The following RNGTT variants were observed in gnomAD, a reference collection of about 807,000 sequenced individuals.
RNGTT encodes the protein mRNA-capping enzyme.
A neutral mutation model predicts 79.3 loss-of-function variants in RNGTT; 33 were observed. That is an observed-to-expected ratio of 0.42 (90% CI 0.32 to 0.56). RNGTT has a LOEUF of 0.56. Ranked by LOEUF, RNGTT falls within the 20% of genes least tolerant of loss-of-function variation. RNGTT has a pLI of 0.17. For missense variants in RNGTT, 497 were observed against 739.1 expected (o/e 0.67, Z 3.80); for synonymous variants, 222 against 235.9 (o/e 0.94, Z 0.54).
At chr6:88,895,027 T>C (rs1274851699) in intron 6 of RNGTT, among the ~76,000 whole-genome samples, 1 of 152,196 alleles carries the variant, frequency 6.6e-6, no homozygotes, top group African/African-American at 2.4e-5. Context: ...ATTTTCACTT[T>C]TCAACAAATT....
intron 14 of RNGTT, among the ~76,000 whole-genome samples, chr6:88,671,456 A>T (rs1171877396): frequency 6.6e-6 from 1 of 152,240 alleles, no homozygotes; most frequent in Non-Finnish European, 1.5e-5. Flanking sequence ...ATCACACATG[A>T]CAAAAACAAA....
At chr6:88,626,577 C>T (rs1772641175) in intron 14 of RNGTT, among the ~76,000 whole-genome samples, 1 of 152,058 alleles carries the variant, frequency 6.6e-6, no homozygotes, top group Non-Finnish European at 1.5e-5. Context: ...GCTAAAGTTT[C>T]TTTCTCTTCA....
At chr6:88,728,090 C>T (rs1399381972) in intron 13 of RNGTT, among the ~76,000 whole-genome samples, 1 of 152,156 alleles carries the variant, frequency 6.6e-6, no homozygotes, top group Non-Finnish European at 1.5e-5. Context: ...GGTCATGGGC[C>T]ATAGTCCCAA....
At chr6:88,741,019 A>C (rs767801236) in intron 13 of RNGTT, among the ~76,000 whole-genome samples, 1 of 152,216 alleles carries the variant, frequency 6.6e-6, no homozygotes, top group Non-Finnish European at 1.5e-5. Flanking sequence ...TAGTTTGACC[A>C]TCATGGAAAA....
chr6:88,742,151 T>C (rs962690948), intron 13 of RNGTT, among the ~76,000 whole-genome samples: 2 of 152,108 alleles, frequency 1.3e-5, no homozygotes, highest in Non-Finnish European at 2.9e-5. Context: ...TTCAGACAAA[T>C]AGGACATATA....
chr6:88,666,919 A>G (rs1774434052), intron 14 of RNGTT, among the ~76,000 whole-genome samples: 1 of 152,168 alleles, frequency 6.6e-6, no homozygotes, highest in Admixed American at 6.5e-5. Context: ...TAACCCTCCA[A>G]GTGCATGGGG....
chr6:88,953,006 T>G (rs1785306736), intron 1 of RNGTT, among the ~76,000 whole-genome samples: 1 of 152,152 alleles, frequency 6.6e-6, no homozygotes, highest in East Asian at 1.9e-4. Context: ...ACTGAAACAG[T>G]CTACTCAAAC....
At chr6:88,898,440 A>C (rs1783326132) in intron 6 of RNGTT, among the ~76,000 whole-genome samples, 1 of 151,904 alleles carries the variant, frequency 6.6e-6, no homozygotes, top group Non-Finnish European at 1.5e-5. Context: ...CCACATACTA[A>C]GTGGTTTTTT....
chr6:88,857,053 T>C (rs1176608837), intron 8 of RNGTT, among the ~76,000 whole-genome samples: 1 of 152,118 alleles, frequency 6.6e-6, no homozygotes, highest in Non-Finnish European at 1.5e-5. Flanking sequence ...CAAAGGTATA[T>C]GGATTACAGA....
intron 13 of RNGTT, among the ~76,000 whole-genome samples, chr6:88,728,466 A>C (rs1776996159): frequency 6.6e-6 from 1 of 152,230 alleles, no homozygotes; most frequent in Non-Finnish European, 1.5e-5. Context: ...AGTTCTGTGG[A>C]CCACTAAAGA....
In RNGTT at chr6:88,885,300, T is replaced by C. The variant is rs139411562; in HGVS notation, c.896+5195A>G. Among the ~76,000 whole-genome samples, 99 of 152,090 alleles carry C rather than the reference T, an allele frequency of 6.5e-4. 1 individual carries two copies. The highest frequency in any genetic ancestry group is 2.3e-3 in the African/African-American group (96 of 41,462). On this transcript the variant is annotated intron_variant, in intron 8 of 15. Coordinates refer to ENST00000369485, the MANE Select transcript of RNGTT (RefSeq NM_003800.5). ...AAAAGTACAAGGTAAGTCCACAACA[T>C]CTAGGGGTGCCAGAAACAAGAAAGT...
chr6:88,783,832 T>C (rs1186521772), intron 12 of RNGTT, among the ~76,000 whole-genome samples: 1 of 152,186 alleles, frequency 6.6e-6, no homozygotes, highest in Non-Finnish European at 1.5e-5. Context: ...TGTCCCCACA[T>C]ACTGTCAAAT....
At chr6:88,618,186 T>A (rs991205641) in intron 14 of RNGTT, among the ~76,000 whole-genome samples, 25 of 152,304 alleles carry the variant, frequency 1.6e-4, no homozygotes, top group African/African-American at 5.5e-4. Context: ...TTCCAGAAAA[T>A]GCACGTACCT....
At chr6:88,670,628 A>G (rs1172106829) in intron 14 of RNGTT, among the ~76,000 whole-genome samples, 3 of 152,218 alleles carry the variant, frequency 2.0e-5, no homozygotes, top group Admixed American at 6.5e-5. Flanking sequence ...GTAGTTAAAC[A>G]TCAACTCCTG....
At chr6:88,954,160 C>T (rs930951744) in intron 1 of RNGTT, among the ~76,000 whole-genome samples, 1 of 152,042 alleles carries the variant, frequency 6.6e-6, no homozygotes, top group Non-Finnish European at 1.5e-5. Context: ...ATAGAAATGG[C>T]CCAAATGCTC....
chr6:88,824,637 A>G (rs1780595403), intron 11 of RNGTT, among the ~76,000 whole-genome samples: 1 of 152,176 alleles, frequency 6.6e-6, no homozygotes, highest in Admixed American at 6.5e-5. Context: ...ATTACAGAAC[A>G]TTTTCATCTT....
intron 2 of RNGTT, among the ~76,000 whole-genome samples, chr6:88,934,033 T>G (rs1784588681): frequency 1.3e-5 from 2 of 152,140 alleles, no homozygotes; most frequent in Non-Finnish European, 2.9e-5. Context: ...AGTTTTGTTT[T>G]GTTTTTTTGA....
At chr6:88,669,412 G>A (rs1215818123) in intron 14 of RNGTT, among the ~76,000 whole-genome samples, 2 of 152,192 alleles carry the variant, frequency 1.3e-5, no homozygotes, top group East Asian at 1.9e-4. Context: ...AGTCCAGAAG[G>A]CCCACACTGG....
At chr6:88,797,426 A>G (rs996442167) in intron 12 of RNGTT, among the ~76,000 whole-genome samples, 7 of 152,198 alleles carry the variant, frequency 4.6e-5, no homozygotes, top group Non-Finnish European at 1.0e-4. Context: ...AGGGAAATCT[A>G]TCAGAGAAGA....
Sources: allele counts gnomAD v4.1 joint callset (sites outside exome capture counted in the v4.1 genomes callset), GRCh38; gene constraint gnomAD v4.1.1; transcripts MANE v1.5; gene names NCBI Gene and HGNC (gene_info 2026-07-23, HGNC 2026-07-21).